Variants in GABRA2 observed in about 807,000 individuals in gnomAD.
GABRA2 encodes gamma-aminobutyric acid receptor subunit alpha-2.
A neutral mutation model predicts 48.7 loss-of-function variants in GABRA2; 16 were observed. The observed-to-expected ratio is 0.33, with a 90% CI of 0.22 to 0.50. The LOEUF (loss-of-function observed/expected upper bound fraction) is 0.50. Among genes scored for constraint, GABRA2 ranks in the 20% least tolerant of loss-of-function variants. The pLI is 0.98. For missense variants in GABRA2, 275 were observed against 535.6 expected (o/e 0.51, Z 4.80); for synonymous variants, 185 against 184.5 (o/e 1.00, Z -0.02).
chr4:46,274,120 CTGA>C (rs1190475426), intron 8 of GABRA2, among the ~76,000 whole-genome samples: 2 of 152,092 alleles, frequency 1.3e-5, no homozygotes, highest in African/African-American at 4.8e-5. Flanking sequence ...AGAAGGATTG[CTGA>C]TGAACATTTC....
chr4:46,332,563 C>T (rs1731547829), intron 4 of GABRA2, 52 bp downstream of exon 4: 2 of 989,708 alleles, frequency 2.0e-6, no homozygotes, highest in African/African-American at 3.2e-5. Context: ...TTTGAAATTA[C>T]CCCCCACTCC....
intron 8 of GABRA2, among the ~76,000 whole-genome samples, chr4:46,279,852 A>G (rs1721181338): frequency 6.6e-6 from 1 of 152,148 alleles, no homozygotes; most frequent in African/African-American, 2.4e-5. Flanking sequence ...TTTGGAATAT[A>G]CTATAATCTA....
intron 9 of GABRA2, among the ~76,000 whole-genome samples, chr4:46,254,028 T>C (rs2109393154): frequency 6.6e-6 from 1 of 151,656 alleles, no homozygotes; most frequent in South Asian, 2.1e-4. Context: ...AAGCAGAGTC[T>C]ATAGGTTAAG....
chr4:46,278,229 AC>A, intron 8 of GABRA2, among the ~76,000 whole-genome samples: 1 of 152,228 alleles, frequency 6.6e-6, no homozygotes, highest in East Asian at 1.9e-4. Context: ...AAATATCCAA[AC>A]TTTCTGTTTG....
chr4:46,261,879 C>T (rs199859277), intron 9 of GABRA2, 47 bp downstream of exon 9: 24 of 1,439,550 alleles, frequency 1.7e-5, no homozygotes, highest in Non-Finnish European at 2.3e-5. Flanking sequence ...AAGCGGAATT[C>T]ATTAGGGTAT....
At chr4:46,324,756 CCTAT>C (rs1470706588) in intron 4 of GABRA2, among the ~76,000 whole-genome samples, 2 of 150,732 alleles carry the variant, frequency 1.3e-5, no homozygotes, top group African/African-American at 4.9e-5. Flanking sequence ...GTCTATTGTT[CCTAT>C]CTTTCTGTCT....
chr4:46,277,811 G>A (rs1720784637), intron 8 of GABRA2, among the ~76,000 whole-genome samples: 1 of 152,190 alleles, frequency 6.6e-6, no homozygotes. Context: ...GGCAGCTGCT[G>A]CTATTCAGTC....
rs1022711594 is a variant in GABRA2 at position 46,244,631 on chromosome 4, C to T, written c.*5677G>A. ...CCCAATGGGATTAAATGTTATGAAA[C>T]GAACAATATGACAAATGAAAACACA... On this transcript the variant is annotated 3_prime_UTR_variant, in exon 10 of 10. Coordinates refer to ENST00000381620, the MANE Select transcript of GABRA2 (RefSeq NM_000807.4). 5.3e-5 allele frequency among the ~76,000 whole-genome samples: 8 copies of T among 151,276 alleles called. No homozygotes were observed. The highest frequency in any genetic ancestry group is 9.7e-5 in the African/African-American group (4 of 41,396).
chr4:46,320,454 G>C (rs529955870), intron 4 of GABRA2, among the ~76,000 whole-genome samples: 1 of 151,908 alleles, frequency 6.6e-6, no homozygotes, highest in African/African-American at 2.4e-5. Context: ...AAACTAGAAA[G>C]CTTCTGTACA....
chr4:46,268,282 T>C (rs555136400), intron 8 of GABRA2, among the ~76,000 whole-genome samples: 1 of 151,986 alleles, frequency 6.6e-6, no homozygotes, highest in Admixed American at 6.6e-5. Context: ...AGAAAAAATT[T>C]GCAAGTCACA....
At chr4:46,364,080 A>G (rs747144838) in intron 3 of GABRA2, 2 of 152,180 alleles carry the variant, frequency 1.3e-5, no homozygotes, top group African/African-American at 2.4e-5. Flanking sequence ...TATCATCTTC[A>G]TGAAGTATCT....
chr4:46,285,921 A>G (rs957368311), intron 8 of GABRA2, among the ~76,000 whole-genome samples: 2 of 152,138 alleles, frequency 1.3e-5, no homozygotes, highest in South Asian at 4.1e-4. Context: ...ATTCAGTGCT[A>G]TATTTTAAGC....
chr4:46,316,947 GC>G (rs1179382214), intron 4 of GABRA2, among the ~76,000 whole-genome samples: 2 of 151,868 alleles, frequency 1.3e-5, no homozygotes, highest in Non-Finnish European at 2.9e-5. Flanking sequence ...TGTTTTAACA[GC>G]CCATTGGCTA....
chr4:46,359,048 T>C (rs1247822654), intron 3 of GABRA2, among the ~76,000 whole-genome samples: 1 of 152,218 alleles, frequency 6.6e-6, no homozygotes, highest in Non-Finnish European at 1.5e-5. Flanking sequence ...ATTTTCATTT[T>C]CAGACATGAC....
chr4:46,257,802 G>T lies in GABRA2; in HGVS notation c.1059+4124C>A, dbSNP rs150989969. Among the ~76,000 whole-genome samples the T allele has an allele frequency of 4.8e-3, 733 of 151,598 alleles. 8 individuals are homozygous for T. The highest frequency in any genetic ancestry group is 0.016 in the African/African-American group (669 of 41,450). On this transcript the variant is annotated intron_variant, in intron 9 of 9. Transcript: ENST00000381620. Reference sequence around the variant, plus strand: ...AAAAACTATAAAAAGTATGAGAGATGGTGAAAATATGGTCTAAGATATGTA... The same window carrying T: ...AAAAACTATAAAAAGTATGAGAGATTGTGAAAATATGGTCTAAGATATGTA...
chr4:46,380,242 C>T (rs1236582503), intron 3 of GABRA2, among the ~76,000 whole-genome samples: 1 of 152,110 alleles, frequency 6.6e-6, no homozygotes, highest in Non-Finnish European at 1.5e-5. Flanking sequence ...TGACAGTAAT[C>T]GTGAAGATAA....
At chr4:46,287,314 T>C (rs888346062) in intron 8 of GABRA2, among the ~76,000 whole-genome samples, 1 of 152,070 alleles carries the variant, frequency 6.6e-6, no homozygotes, top group Admixed American at 6.6e-5. Flanking sequence ...TACTTGGCTA[T>C]TCAGGCTCTT....
At chr4:46,336,892 G>T (rs1034041213) in intron 3 of GABRA2, among the ~76,000 whole-genome samples, 8 of 151,840 alleles carry the variant, frequency 5.3e-5, no homozygotes, top group Non-Finnish European at 1.2e-4. Flanking sequence ...AAAATAAATG[G>T]CCTGAAAAGA....
At position 46,247,050 on chromosome 4, in the gene GABRA2, T is replaced by C. The variant is rs982534705; in HGVS notation, c.*3258A>G. 1.3e-5 allele frequency among the ~76,000 whole-genome samples: 2 copies of C among 151,240 alleles called. No individual in the cohort carries two copies. The highest frequency in any genetic ancestry group is 4.8e-5 in the African/African-American group (2 of 41,346). The stretch of plus-strand genomic sequence containing the variant: ...GAGAGTAAAATAATAGATTCTGGGT[T>C]GTTTTTAAAAATAAACTATGAACTA... On this transcript the variant is annotated 3_prime_UTR_variant, in exon 10 of 10. Coordinates refer to ENST00000381620, the MANE Select transcript of GABRA2 (RefSeq NM_000807.4).
Sources: gnomAD v4.1 joint callset for allele counts (sites outside exome capture counted in the v4.1 genomes callset) on GRCh38, gnomAD v4.1.1 for gene constraint, MANE v1.5 for transcripts, NCBI Gene and HGNC (gene_info 2026-07-23, HGNC 2026-07-21) for gene names.